Variants in ATAD5 observed in about 807,000 individuals in gnomAD.
The protein encoded by ATAD5 is ATPase family AAA domain containing 5, also known as ATPase family AAA domain-containing protein 5.
In ATAD5, 58 loss-of-function variants were observed where a neutral mutation model predicts 176.9. That is an observed-to-expected ratio of 0.33 (90% CI 0.27 to 0.41). The LOEUF is 0.41. Ranked by LOEUF, ATAD5 falls within the 10% of genes least tolerant of loss-of-function variation. ATAD5 has a pLI of 1.00. For missense variants in ATAD5, 1,789 were observed against 2,094.1 expected (o/e 0.85, Z 2.84); for synonymous variants, 640 against 712.6 (o/e 0.90, Z 1.62).
At chr17:30,838,915 G>A (rs1321320836) in intron 3 of ATAD5, among the ~76,000 whole-genome samples, 1 of 152,176 alleles carries the variant, frequency 6.6e-6, no homozygotes, top group East Asian at 1.9e-4. Flanking sequence ...GACTTATCCA[G>A]CCTTGTGTAC....
rs957474536 is a variant in ATAD5, at chr17:30,893,773, C to T, written c.4920C>T (p.Ala1640=). ...PKTTAGKKCS[A]LVSHCLNSLS... ...CAACTGCAGGAAAAAAATGTTCTGC[C>T]CTTGTTTCTCATTGTTTAAATTCTC... is the stretch of plus-strand genomic sequence containing the variant. The change falls in exon 21 of 23, where the codon GCC becomes GCT. Residue 1640 remains alanine (A), a synonymous_variant. Transcript: ENST00000321990. 2 of 1,614,042 alleles carry T rather than the reference C, an allele frequency of 1.2e-6. No homozygotes were observed. Among genetic ancestry groups the T allele is most frequent in the Middle Eastern group, 3.3e-4 (2 of 6,060 alleles).
At chr17:30,880,622 A>G (rs1356501038) in intron 18 of ATAD5, among the ~76,000 whole-genome samples, 1 of 151,868 alleles carries the variant, frequency 6.6e-6, no homozygotes, top group Non-Finnish European at 1.5e-5. Context: ...AAAAAAAAAA[A>G]AGAAAAAAGA....
rs1199683202 is a variant in ATAD5, at chr17:30,892,614, T to C, written c.4266T>C (p.Asn1422=). The change falls in exon 20 of 23, where the codon AAT becomes AAC. Residue 1422 remains asparagine, a synonymous_variant. Coordinates refer to ENST00000321990, the MANE Select transcript of ATAD5 (RefSeq NM_024857.5). ...TTTTCTTTTATTTTGTAGGTGGAAA[T>C]AGCAGAAATGTACAACTAGTTTGCT... ...EERPLTLYRG[N]SRNVQLVCSE... is the part of the protein sequence containing the mutation. The C allele has an allele frequency of 6.5e-7, 1 of 1,548,828 alleles. No individual in the cohort carries two copies. The highest frequency in any genetic ancestry group is 1.4e-5 in the African/African-American group (1 of 71,712).
In ATAD5 at chr17:30,832,326, G is replaced by A. The variant is rs753261349; in HGVS notation, c.-22G>A. ...TGGACCGCGTGAGGTCCTAGGAGAC[G>A]GGATTCCGGGAAGCGGGGAGTATGG... On this transcript the variant is annotated 5_prime_UTR_variant, in exon 1 of 23. Transcript: ENST00000321990. The A allele has an allele frequency of 5.9e-6, 9 of 1,536,950 alleles. No homozygotes were observed. The highest frequency in any genetic ancestry group is 7.0e-6 in the Non-Finnish European group (8 of 1,139,706).
At chr17:30,839,263 T>G (rs1905933909) in intron 3 of ATAD5, among the ~76,000 whole-genome samples, 1 of 152,152 alleles carries the variant, frequency 6.6e-6, no homozygotes, top group Non-Finnish European at 1.5e-5. Context: ...CCAGATATTT[T>G]TTCTCTGCTT....
Position 30,894,861 on chromosome 17 carries a change from A to G in ATAD5, c.5483A>G (p.His1828Arg). The G allele has an allele frequency of 6.3e-7, 1 of 1,595,318 alleles. No individual in the cohort carries two copies. The highest frequency in any genetic ancestry group is 8.5e-7 in the Non-Finnish European group (1 of 1,174,966). ...RRFLHYFEGI[H>R]LDIPKETVNT... Reference sequence around the variant, plus strand: ...TTCCTGCACTATTTTGAAGGAATTCATCTTGACATTCCAAAAGAGACTGTG... The same window carrying G: ...TTCCTGCACTATTTTGAAGGAATTCGTCTTGACATTCCAAAAGAGACTGTG... Residue 1828 changes from histidine to arginine, a missense_variant, in exon 23 of 23, where the codon CAT (histidine) becomes CGT (arginine). Transcript: ENST00000321990.
intron 10 of ATAD5, 118 bp downstream of exon 10, chr17:30,860,730 T>A: frequency 1.2e-6 from 1 of 866,542 alleles, no homozygotes; most frequent in Non-Finnish European, 1.6e-6. Context: ...AATTGTATTT[T>A]AATTTTAGAT....
At chr17:30,886,214 A>G (rs1050216150) in intron 18 of ATAD5, among the ~76,000 whole-genome samples, 3 of 150,580 alleles carry the variant, frequency 2.0e-5, no homozygotes, top group Admixed American at 6.6e-5. Context: ...TTTAAGTATT[A>G]AGGTTAAGCT....
chr17:30,848,388 T>A (rs1906665666), intron 6 of ATAD5, among the ~76,000 whole-genome samples: 1 of 152,162 alleles, frequency 6.6e-6, no homozygotes, highest in Non-Finnish European at 1.5e-5. Flanking sequence ...TAGCTGGGAC[T>A]ACAGGCATGT....
At chr17:30,850,020 A>C (rs969025710) in intron 6 of ATAD5, among the ~76,000 whole-genome samples, 3 of 152,108 alleles carry the variant, frequency 2.0e-5, no homozygotes, top group African/African-American at 7.2e-5. Flanking sequence ...GTATGCCTAT[A>C]GGCCCAGCTA....
intron 12 of ATAD5, 93 bp downstream of exon 12, chr17:30,868,505 T>A: frequency 1.2e-6 from 1 of 816,092 alleles, no homozygotes; most frequent in Non-Finnish European, 1.6e-6. Context: ...TTCTTTTTTT[T>A]TTAATTTTTT....
rs186399961 is a variant in ATAD5 at position 30,877,605 on chromosome 17, G to A, written c.3918+56G>A. The A allele has an allele frequency of 2.7e-6, 4 of 1,506,610 alleles. No individual in the cohort carries two copies. In the East Asian group the frequency reaches 9.1e-5, roughly 34 times the overall value. 93.3% of individuals were successfully genotyped at this position (1,506,610 alleles called of 1,614,324 possible). Reference sequence around the variant, plus strand: ...GCTCATGATAAAGACTTACTTTAAAGAATACTGTATGTTTTCTTATAAAGA... The same window carrying A: ...GCTCATGATAAAGACTTACTTTAAAAAATACTGTATGTTTTCTTATAAAGA... On this transcript the variant is annotated intron_variant, in intron 16 of 22. Coordinates refer to ENST00000321990, the MANE Select transcript of ATAD5 (RefSeq NM_024857.5).
At position 30,835,450 on chromosome 17, in the gene ATAD5, A is replaced by G. The variant is rs1475470055; in HGVS notation, c.1369A>G (p.Lys457Glu). The G allele has an allele frequency of 1.9e-6, 3 of 1,611,750 alleles. No individual in the cohort carries two copies. Among genetic ancestry groups the G allele is most frequent in the Non-Finnish European group, 2.5e-6 (3 of 1,179,418 alleles). ...MENSGIQMVSKNGNLQLHTDK... is the reference protein window; with the variant it reads ...MENSGIQMVSENGNLQLHTDK... ...AAATTCTGGTATCCAAATGGTTTCA[A>G]AAAATGGCAATTTACAGTTACACAC... Residue 457 changes from lysine to glutamate, a missense_variant, in exon 2 of 23, where the codon AAA (lysine) becomes GAA (glutamate). By Grantham distance (56) the Lys-to-Glu change is moderately conservative (BLOSUM62 1). Coordinates refer to ENST00000321990, the MANE Select transcript of ATAD5 (RefSeq NM_024857.5).
Position 30,835,164 on chromosome 17 carries a change from A to G in ATAD5, c.1083A>G (p.Glu361=). 1 of 1,614,146 alleles carries G rather than the reference A, an allele frequency of 6.2e-7. No homozygotes were observed. Among genetic ancestry groups the G allele is most frequent in the African/African-American group, 1.3e-5 (1 of 75,056 alleles). ...MENSLSDPEN[E]QTVQKRKSNV... is the part of the protein sequence containing the mutation. ...ATAGTTTATCTGATCCTGAGAATGA[A>G]CAGACAGTTCAGAAAAGAAAATCTA... The change falls in exon 2 of 23, where the codon GAA becomes GAG. Residue 361 remains glutamate (E), a synonymous_variant. Coordinates refer to ENST00000321990, the MANE Select transcript of ATAD5 (RefSeq NM_024857.5).
At chr17:30,864,120 A>G (rs1354134457) in intron 10 of ATAD5, 1 of 152,184 alleles carries the variant, frequency 6.6e-6, no homozygotes, top group South Asian at 2.1e-4. Flanking sequence ...GTTTTATGCC[A>G]CAAATTATTT....
intron 10 of ATAD5, among the ~76,000 whole-genome samples, chr17:30,863,664 C>CTTTTT (rs58611804): frequency 9.3e-5 from 10 of 107,278 alleles, no homozygotes; most frequent in Non-Finnish European, 1.4e-4. Context: ...CCGCGTCCGG[C>CTTTTT]TTTTTTTTTT....
intron 19 of ATAD5, among the ~76,000 whole-genome samples, chr17:30,887,931 A>C (rs1313555594): frequency 1.3e-5 from 2 of 152,026 alleles, no homozygotes; most frequent in Non-Finnish European, 2.9e-5. Context: ...TCCCAGGTTC[A>C]AGCAATTCTC....
chr17:30,845,371 G>A (rs1906436940), intron 6 of ATAD5, among the ~76,000 whole-genome samples: 1 of 152,156 alleles, frequency 6.6e-6, no homozygotes, highest in African/African-American at 2.4e-5. Context: ...ATATTGAGGA[G>A]GGTTGGTCTG....
intron 6 of ATAD5, among the ~76,000 whole-genome samples, chr17:30,848,012 G>C (rs892785150): frequency 6.6e-6 from 1 of 152,086 alleles, no homozygotes; most frequent in Non-Finnish European, 1.5e-5. Context: ...GAGCCACCGC[G>C]CTCCGCCTGA....
Sources: gnomAD v4.1 joint callset for allele counts (sites outside exome capture counted in the v4.1 genomes callset) on GRCh38, gnomAD v4.1.1 for gene constraint, MANE v1.5 for transcripts, NCBI Gene and HGNC (gene_info 2026-07-23, HGNC 2026-07-21) for gene names.